ARHGAP12: variants seen among roughly 807,000 people sequenced by gnomAD.
The protein encoded by ARHGAP12 is Rho GTPase activating protein 12.
ARHGAP12 carries 64 observed loss-of-function variants against 108.6 expected under a neutral mutation model. That is an observed-to-expected ratio of 0.59 (90% CI 0.48 to 0.73). ARHGAP12 has a LOEUF of 0.73. Among genes scored for constraint, ARHGAP12 ranks in the 30% least tolerant of loss-of-function variants. The probability of loss-of-function intolerance (pLI) is 0.00; values close to 1 mark genes in which losing one functional copy is unlikely to be tolerated. For missense variants in ARHGAP12, 940 were observed against 1,005.9 expected (o/e 0.93, Z 0.89); for synonymous variants, 312 against 337.2 (o/e 0.93, Z 0.82).
At chr10:31,897,404 C>T (rs568492590) in intron 3 of ARHGAP12, among the ~76,000 whole-genome samples, 1 of 152,186 alleles carries the variant, frequency 6.6e-6, no homozygotes, top group East Asian at 1.9e-4. Context: ...GAACACTATC[C>T]CCTTCCCCAT....
chr10:31,908,914 T>C lies in ARHGAP12; in HGVS notation c.-59A>G. 7.1e-7 allele frequency: 1 copy of C among 1,400,744 alleles called. No homozygotes were observed. Among genetic ancestry groups the C allele is most frequent in the Non-Finnish European group, 9.6e-7 (1 of 1,039,832 alleles). 86.8% of individuals were successfully genotyped at this position (1,400,744 alleles called of 1,614,324 possible). On this transcript the variant is annotated 5_prime_UTR_variant, in exon 3 of 20. Coordinates refer to ENST00000344936, the MANE Select transcript of ARHGAP12 (RefSeq NM_018287.7). Reference sequence around the variant, plus strand: ...ACCACATTATGGCTTTATGGCTTGTTGGATGAATATAGCTGTTTTATTTAA... The same window carrying C: ...ACCACATTATGGCTTTATGGCTTGTCGGATGAATATAGCTGTTTTATTTAA...
In ARHGAP12 at chr10:31,812,714, A is replaced by G. The variant is rs1204509287; in HGVS notation, c.1944T>C (p.Tyr648=). Residue 648 remains tyrosine (Y), a synonymous_variant, in exon 15 of 20, where the codon TAT becomes TAC. Transcript: ENST00000344936. ...PTLQAVREKG[Y]IKDQVFGSNL... is the part of the protein sequence containing the mutation. ...AATACTTCTCCTACCAACCTTTAATATAACCTTTTTCACGAACAGCTTGCA... is the reference window on the plus strand; with the variant it reads ...AATACTTCTCCTACCAACCTTTAATGTAACCTTTTTCACGAACAGCTTGCA... The G allele has an allele frequency of 6.3e-7, 1 of 1,596,724 alleles. No individual in the cohort carries two copies. The highest frequency in any genetic ancestry group is 8.5e-7 in the Non-Finnish European group (1 of 1,170,852).
At chr10:31,899,815 T>C (rs565103434) in intron 3 of ARHGAP12, among the ~76,000 whole-genome samples, 1 of 152,292 alleles carries the variant, frequency 6.6e-6, no homozygotes, top group African/African-American at 2.4e-5. Flanking sequence ...GGTTTGGCAA[T>C]GAGTTTTTAG....
intron 6 of ARHGAP12, among the ~76,000 whole-genome samples, chr10:31,844,913 C>T (rs527800771): frequency 5.3e-5 from 8 of 152,076 alleles, no homozygotes; most frequent in African/African-American, 1.9e-4. Context: ...AGGTTCCATT[C>T]CCCAAAAAAG....
intron 1 of ARHGAP12, among the ~76,000 whole-genome samples, chr10:31,923,940 A>C (rs1217207806): frequency 1.3e-5 from 2 of 152,238 alleles, no homozygotes; most frequent in Non-Finnish European, 2.9e-5. Context: ...GTTATACAGC[A>C]ATTATACCTC....
intron 3 of ARHGAP12, among the ~76,000 whole-genome samples, chr10:31,865,595 G>A (rs1040369096): frequency 1.3e-5 from 2 of 151,930 alleles, no homozygotes; most frequent in African/African-American, 4.8e-5. Flanking sequence ...ATCAGGGCTG[G>A]CCAGGCGCGG....
chr10:31,827,034 T>C (rs1835640108), intron 10 of ARHGAP12: 2 of 152,248 alleles, frequency 1.3e-5, no homozygotes, highest in African/African-American at 4.8e-5. Context: ...ATCCATACTC[T>C]AGAGGTAACC....
intron 2 of ARHGAP12, among the ~76,000 whole-genome samples, chr10:31,909,395 C>A (rs1839262601): frequency 6.6e-6 from 1 of 152,172 alleles, no homozygotes; most frequent in African/African-American, 2.4e-5. Context: ...TAAATGATCA[C>A]TGCATCCTCA....
At chr10:31,893,284 ACCCTT>A (rs1419939301) in intron 3 of ARHGAP12, among the ~76,000 whole-genome samples, 1 of 152,062 alleles carries the variant, frequency 6.6e-6, no homozygotes, top group Non-Finnish European at 1.5e-5. Context: ...GACACAAAAA[ACCCTT>A]CAAAAATCAA....
At chr10:31,864,749 T>C (rs1230169450) in intron 3 of ARHGAP12, among the ~76,000 whole-genome samples, 1 of 152,218 alleles carries the variant, frequency 6.6e-6, no homozygotes. Context: ...CTTTTTAAGA[T>C]AGAAACTATT....
Position 31,918,103 on chromosome 10 carries a change from G to A in ARHGAP12, c.-110-7540C>T, listed in dbSNP as rs367652341. On this transcript the variant is annotated intron_variant, in intron 1 of 19. Transcript: ENST00000344936. ...CCTGAGTAGCTAGGACTACAGGTAC[G>A]TACCACCACACCTAGCTAATTTTTA... Among the ~76,000 whole-genome samples, 167 of 152,072 alleles carry A rather than the reference G, an allele frequency of 1.1e-3. 2 individuals carry two copies. In the Middle Eastern group the frequency reaches 0.014, roughly 12 times the overall value.
At chr10:31,880,305 G>A (rs1480301283) in intron 3 of ARHGAP12, among the ~76,000 whole-genome samples, 2 of 152,016 alleles carry the variant, frequency 1.3e-5, no homozygotes, top group African/African-American at 2.4e-5. Flanking sequence ...TTCAAGTTGG[G>A]TATTCAAAAA....
At chr10:31,808,917 T>TA (rs970426481) in intron 18 of ARHGAP12, 77 bp downstream of exon 18, 131 of 1,431,610 alleles carry the variant, frequency 9.2e-5, no homozygotes, top group South Asian at 1.3e-4. Flanking sequence ...TAAAGTAAGA[T>TA]AAAAAAAATT....
intron 11 of ARHGAP12, among the ~76,000 whole-genome samples, chr10:31,821,882 A>G (rs1045290945): frequency 2.0e-5 from 3 of 152,230 alleles, no homozygotes; most frequent in Non-Finnish European, 4.4e-5. Context: ...TATGTTGGGC[A>G]TAACTTTCTG....
intron 3 of ARHGAP12, among the ~76,000 whole-genome samples, chr10:31,880,816 C>T (rs978254995): frequency 6.6e-6 from 1 of 151,538 alleles, no homozygotes; most frequent in African/African-American, 2.4e-5. Context: ...CCTGTAGTCC[C>T]AGCACTTTGG....
At chr10:31,816,536 T>A (rs1273828083) in intron 13 of ARHGAP12, among the ~76,000 whole-genome samples, 1 of 152,220 alleles carries the variant, frequency 6.6e-6, no homozygotes, top group African/African-American at 2.4e-5. Context: ...AATGCATGCA[T>A]ACTTGCTTTC....
chr10:31,852,726 A>ATTAT, intron 5 of ARHGAP12, 129 bp from the exon 6 acceptor site: 1 of 519,280 alleles, frequency 1.9e-6, no homozygotes, highest in Non-Finnish European at 3.2e-6. Context: ...GCAACAAAAA[A>ATTAT]TTCTTTTTTT....
At chr10:31,842,127 G>A (rs747959438) in intron 7 of ARHGAP12, among the ~76,000 whole-genome samples, 7 of 151,576 alleles carry the variant, frequency 4.6e-5, no homozygotes, top group Non-Finnish European at 7.4e-5. Flanking sequence ...TTATGATGTC[G>A]AAAAAAAGAA....
intron 3 of ARHGAP12, among the ~76,000 whole-genome samples, chr10:31,905,062 T>C (rs566887593): frequency 1.4e-4 from 22 of 152,192 alleles, no homozygotes; most frequent in South Asian, 1.2e-3. Flanking sequence ...GAGCTGAGGG[T>C]GTGATATCGA....
Sources: allele counts gnomAD v4.1 joint callset (sites outside exome capture counted in the v4.1 genomes callset), GRCh38; gene constraint gnomAD v4.1.1; transcripts MANE v1.5; gene names NCBI Gene and HGNC (gene_info 2026-07-23, HGNC 2026-07-21).